DGKD: variants seen among roughly 807,000 people sequenced by gnomAD.
DGKD encodes DAG kinase delta.
A neutral mutation model predicts 154.4 loss-of-function variants in DGKD; 68 were observed. The ratio of observed to expected loss-of-function variants is 0.44; its 90% CI spans 0.36 to 0.54. DGKD has a LOEUF of 0.54. Ranked by LOEUF, DGKD falls within the 20% of genes least tolerant of loss-of-function variation. The probability of loss-of-function intolerance (pLI) is 0.00; values close to 1 mark genes in which losing one functional copy is unlikely to be tolerated. For synonymous variants in DGKD, 693 were observed against 638.0 expected (o/e 1.09, Z -1.30); for missense variants, 1,343 against 1,593.6 (o/e 0.84, Z 2.68).
At chr2:233,388,603 A>G (rs771455064) in intron 2 of DGKD, 16 of 368,812 alleles carry the variant, frequency 4.3e-5, no homozygotes, top group Admixed American at 1.3e-4. Flanking sequence ...GGTAATGGGG[A>G]AAAGGAAAAA....
At chr2:233,461,018 T>TA (rs750014036) in intron 24 of DGKD, among the ~76,000 whole-genome samples, 5,096 of 137,552 alleles carry the variant, frequency 0.037, 187 homozygotes, top group African/African-American at 0.093. Context: ...AAGTTTACTT[T>TA]AAAAAAAAAA....
intron 1 of DGKD, among the ~76,000 whole-genome samples, chr2:233,360,264 A>G (rs192663551): frequency 6.6e-6 from 1 of 151,700 alleles, no homozygotes; most frequent in Non-Finnish European, 1.5e-5. Flanking sequence ...CTTTAAAAAA[A>G]TTTTTTTTCT....
At chr2:233,422,500 G>A (rs1227158879) in intron 3 of DGKD, among the ~76,000 whole-genome samples, 2 of 152,122 alleles carry the variant, frequency 1.3e-5, no homozygotes, top group African/African-American at 2.4e-5. Context: ...TCCTGACATA[G>A]AGGACCTGGT....
Position 233,458,376 on chromosome 2 carries a change from A to G in DGKD, c.2673A>G (p.Leu891=), listed in dbSNP as rs61739478. ...TGGCCGTCTCTCGAGTCATCAGGCT[A>G]CAGCATCATCGGATCGCCCAGGTAG... ...MQMAVSRVIR[L]QHHRIAQCRT... The change falls in exon 22 of 30, where the codon CTA becomes CTG. Residue 891 remains leucine, a synonymous_variant. Coordinates refer to ENST00000264057, the MANE Select transcript of DGKD (RefSeq NM_152879.3). This position sits in a 1 kb window ranked among gnomAD's most constrained non-coding sequence, Gnocchi z 6.6. 0.013 allele frequency: 20,407 copies of G among 1,610,358 alleles called. 704 individuals are homozygous for G. The highest frequency in any genetic ancestry group is 0.13 in the African/African-American group (9,404 of 74,986).
chr2:233,393,194 T>A (rs548049660), intron 3 of DGKD, among the ~76,000 whole-genome samples: 2 of 152,026 alleles, frequency 1.3e-5, no homozygotes, highest in South Asian at 2.1e-4. Context: ...CCAGCTAATG[T>A]TTTTATATTT....
At chr2:233,451,157 G>C (rs1463798370) in intron 17 of DGKD, 107 bp downstream of exon 17, 6 of 1,006,418 alleles carry the variant, frequency 6.0e-6, no homozygotes, top group East Asian at 3.7e-5. Flanking sequence ...ACAGGCCCCT[G>C]AGAAAGATAG....
intron 18 of DGKD, among the ~76,000 whole-genome samples, chr2:233,454,183 A>G (rs754228789): frequency 6.6e-6 from 1 of 152,264 alleles, no homozygotes; most frequent in Non-Finnish European, 1.5e-5. Flanking sequence ...TAGAAGCTGT[A>G]TGCAAATGTT....
Position 233,471,261 on chromosome 2 carries a change from T to A in DGKD, c.*1801T>A, listed in dbSNP as rs1182885644. The A allele has an allele frequency of 6.6e-6, 1 of 152,436 alleles. No individual in the cohort carries two copies. Among genetic ancestry groups the A allele is most frequent in the Non-Finnish European group, 1.5e-5 (1 of 68,056 alleles). The allele number at this position is 152,436 out of a possible 1,614,324, so 9.4% of individuals were successfully genotyped here. The stretch of plus-strand genomic sequence containing the variant: ...CCCACGCTCTGTTGGTGGACTTAGC[T>A]GCCTCACTGGAAGTGATGTGGGTGG... On this transcript the variant is annotated 3_prime_UTR_variant, in exon 30 of 30. Coordinates refer to ENST00000264057, the MANE Select transcript of DGKD (RefSeq NM_152879.3).
At chr2:233,381,076 T>C (rs1575005772) in intron 1 of DGKD, among the ~76,000 whole-genome samples, 1 of 152,300 alleles carries the variant, frequency 6.6e-6, no homozygotes, top group African/African-American at 2.4e-5. Context: ...TTGGGTTCCT[T>C]TCTGTCAGAG....
At chr2:233,462,830 C>A in intron 26 of DGKD, 95 bp downstream of exon 26, 1 of 1,110,950 alleles carries the variant, frequency 9.0e-7, no homozygotes, top group Non-Finnish European at 1.4e-6. Context: ...ACACTTTAGT[C>A]CAGAGTTCCC....
Position 233,451,302 on chromosome 2 carries a change from A to G in DGKD, c.2167+252A>G, listed in dbSNP as rs573770436. On this transcript the variant is annotated intron_variant, in intron 17 of 29. Transcript: ENST00000264057. Reference sequence around the variant, plus strand: ...CCCAGGAGGCGCCATTGAGGAGGTGATGCTCGAGTCGGGGTTGGAAGAATT... The same window carrying G: ...CCCAGGAGGCGCCATTGAGGAGGTGGTGCTCGAGTCGGGGTTGGAAGAATT... 9.1e-4 allele frequency among the ~76,000 whole-genome samples: 138 copies of G among 151,778 alleles called. 3 individuals carry two copies. The South Asian group carries it at 0.028, about 31-fold the overall frequency.
At chr2:233,442,159 A>G (rs914478636) in intron 10 of DGKD, 164 bp downstream of exon 10, 1 of 741,266 alleles carries the variant, frequency 1.3e-6, no homozygotes, top group Admixed American at 2.0e-5. Context: ...CAGAGAGGGG[A>G]GAGCCTGGGC....
At chr2:233,435,959 C>A in intron 6 of DGKD, 35 bp downstream of exon 6, 1 of 1,557,632 alleles carries the variant, frequency 6.4e-7, no homozygotes, top group Non-Finnish European at 8.7e-7. Context: ...GGGCCCTGAG[C>A]CAGGGTCCCC....
chr2:233,453,520 C>A lies in DGKD; in HGVS notation c.2265-1243C>A, dbSNP rs188036712. 6.6e-5 allele frequency among the ~76,000 whole-genome samples: 10 copies of A among 152,392 alleles called. No individual in the cohort carries two copies. In the East Asian group the frequency reaches 1.7e-3, roughly 26 times the overall value. On this transcript the variant is annotated intron_variant, in intron 18 of 29. Coordinates refer to ENST00000264057, the MANE Select transcript of DGKD (RefSeq NM_152879.3). ...TTGAATTAGATGGATCATAAATACA[C>A]TGACACATGCTGGTTGTTCTCAGAT...
At chr2:233,448,598 A>G (rs2063162252) in intron 14 of DGKD, among the ~76,000 whole-genome samples, 1 of 152,260 alleles carries the variant, frequency 6.6e-6, no homozygotes, top group African/African-American at 2.4e-5. Flanking sequence ...CTGCCCGAGC[A>G]GCGGCTCAAG....
rs1298334623 is a variant in DGKD, at chr2:233,449,540, C to T, written c.1888+164C>T. Among the ~76,000 whole-genome samples, 3 of 152,204 alleles carry T rather than the reference C, an allele frequency of 2.0e-5. No homozygotes were observed. The highest frequency in any genetic ancestry group is 6.5e-5 in the Admixed American group (1 of 15,292). On this transcript the variant is annotated intron_variant, in intron 15 of 29. Coordinates refer to ENST00000264057, the MANE Select transcript of DGKD (RefSeq NM_152879.3). This position sits in a 1 kb window ranked among gnomAD's most constrained non-coding sequence, Gnocchi z 5.3. ...CAGACCCCCAACGAGTTCGCTTGCC[C>T]TCCTTCCACCCCTCCTCTCACACCC...
In DGKD at chr2:233,437,282, C is replaced by T. The variant is rs911100610; in HGVS notation, c.820-95C>T. 2.4e-5 allele frequency: 28 copies of T among 1,160,256 alleles called. No homozygotes were observed. The Admixed American group carries it at 4.9e-4, about 20-fold the overall frequency. 71.9% of individuals were successfully genotyped at this position (1,160,256 alleles called of 1,614,324 possible). Reference sequence around the variant, plus strand: ...GCCCAGCTCTGAAATCACCTGCCTCCCCCGAGGCCAGCTCATCAGCTACAG... The same window carrying T: ...GCCCAGCTCTGAAATCACCTGCCTCTCCCGAGGCCAGCTCATCAGCTACAG... On this transcript the variant is annotated intron_variant, in intron 7 of 29. Coordinates refer to ENST00000264057, the MANE Select transcript of DGKD (RefSeq NM_152879.3).
intron 1 of DGKD, among the ~76,000 whole-genome samples, chr2:233,379,197 T>C (rs1204099766): frequency 6.6e-6 from 1 of 152,178 alleles, no homozygotes; most frequent in Non-Finnish European, 1.5e-5. Flanking sequence ...TAGCTAGTTC[T>C]GCCTTGGGGG....
chr2:233,460,870 C>T lies in DGKD; in HGVS notation c.2981+525C>T, dbSNP rs1016921890. Among the ~76,000 whole-genome samples the T allele has an allele frequency of 2.6e-5, 4 of 152,006 alleles. No homozygotes were observed. The South Asian group carries it at 8.3e-4, about 32-fold the overall frequency. On this transcript the variant is annotated intron_variant, in intron 24 of 29. Coordinates refer to ENST00000264057, the MANE Select transcript of DGKD (RefSeq NM_152879.3). ...TAGCGCCACTGCACTCCAACCTGGGCGACAGAGCAAGACTCTGCCTCAAAA... is the reference window on the plus strand; with the variant it reads ...TAGCGCCACTGCACTCCAACCTGGGTGACAGAGCAAGACTCTGCCTCAAAA...
Sources: gnomAD v4.1 joint callset for allele counts (sites outside exome capture counted in the v4.1 genomes callset) on GRCh38, gnomAD v4.1.1 for gene constraint, Gnocchi (gnomAD v3.1) non-coding constraint, MANE v1.5 for transcripts, NCBI Gene and HGNC (gene_info 2026-07-23, HGNC 2026-07-21) for gene names.